The following B9D1 variants were observed in gnomAD, a reference collection of about 807,000 sequenced individuals.
The protein encoded by B9D1 is B9 domain containing 1.
In B9D1, 20 loss-of-function variants were observed where a neutral mutation model predicts 26.1. The ratio of observed to expected loss-of-function variants is 0.77; its 90% CI spans 0.54 to 1.12. B9D1 has a LOEUF of 1.12. B9D1 is among the 50% of genes most tolerant of loss of function. The pLI is 0.00. For synonymous variants in B9D1, 105 were observed against 103.1 expected, an observed-to-expected ratio of 1.02 and a Z score of -0.11; for missense variants, 260 against 273.7, an observed-to-expected ratio of 0.95 and a Z score of 0.35.
rs1910747444 is a variant in B9D1 at position 19,359,325 on chromosome 17, C to A, written c.132+995G>T. Among the ~76,000 whole-genome samples, 1 of 152,230 alleles carries A rather than the reference C, an allele frequency of 6.6e-6. No homozygotes were observed. The highest frequency in any genetic ancestry group is 1.5e-5 in the Non-Finnish European group (1 of 68,046). On this transcript the variant is annotated intron_variant, in intron 2 of 6. Coordinates refer to ENST00000261499, the MANE Select transcript of B9D1 (RefSeq NM_015681.6). The surrounding 1 kb of genome is among the most constrained non-coding windows in gnomAD (Gnocchi z 5.0). ...CCTCTCTGCTCCAGCCACTCTCCTG[C>A]TGGCTCGCTCTCCAGTGGCCACACA...
At chr17:19,334,976 C>T, downstream of B9D1, 1 of 154,804 alleles carries the variant, frequency 6.5e-6, no homozygotes, top group Non-Finnish European at 1.4e-5. The surrounding 1 kb of genome is among the most constrained non-coding windows in gnomAD (Gnocchi z 4.9). Flanking sequence ...TAGAATTTAC[C>T]AGGTCTGGCT....
chr17:19,367,272 T>A (rs1039237709), upstream of B9D1, among the ~76,000 whole-genome samples: 6 of 152,256 alleles, frequency 3.9e-5, no homozygotes, highest in Admixed American at 3.3e-4. Flanking sequence ...TGTGTGTTTA[T>A]TTTTTGAGAG....
downstream of B9D1, chr17:19,335,469 C>A (rs1276733151): frequency 2.6e-6 from 4 of 1,549,552 alleles, no homozygotes; most frequent in Non-Finnish European, 3.5e-6. Context: ...ACATCTTTAA[C>A]CTTGTGTGTC....
chr17:19,337,561 T>A, downstream of B9D1: 1 of 640,050 alleles, frequency 1.6e-6, no homozygotes, highest in African/African-American at 1.8e-5. Context: ...TGGCAGGGGG[T>A]GCCCGTTCAG....
intron 3 of B9D1, 188 bp downstream of exon 3, chr17:19,357,652 G>T (rs1224589869): frequency 1.6e-6 from 1 of 642,814 alleles, no homozygotes; most frequent in South Asian, 1.7e-5. Context: ...AGATGAAGGG[G>T]GTGAGTGGGG....
chr17:19,369,372 A>G (rs1911769343), intron 1 of B9D1, among the ~76,000 whole-genome samples: 1 of 152,228 alleles, frequency 6.6e-6, no homozygotes. Flanking sequence ...TCATGCTGGT[A>G]GCTTGCGATC....
intron 1 of B9D1, among the ~76,000 whole-genome samples, chr17:19,374,714 C>CT (rs1022055191): frequency 4.6e-4 from 70 of 150,782 alleles, no homozygotes; most frequent in African/African-American, 1.5e-3. Flanking sequence ...AAAATGAGTG[C>CT]TTTTTTTTTA....
intron 5 of B9D1, chr17:19,344,438 C>T (rs1032938254): frequency 4.6e-5 from 11 of 240,664 alleles, no homozygotes; most frequent in Non-Finnish European, 7.7e-5. Context: ...GCTGAGCATG[C>T]GCCCTCCCCA....
At chr17:19,342,758 G>GC (rs1233445377), downstream of B9D1, among the ~76,000 whole-genome samples, 1 of 152,170 alleles carries the variant, frequency 6.6e-6, no homozygotes, top group African/African-American at 2.4e-5. Context: ...TGGGTAGGGG[G>GC]GCAGAGAGGG....
downstream of B9D1, among the ~76,000 whole-genome samples, chr17:19,342,651 G>T (rs1223645934): frequency 1.3e-5 from 2 of 152,162 alleles, no homozygotes; most frequent in African/African-American, 4.8e-5. Context: ...GAGCCAGGGG[G>T]CTCACCTTCC....
chr17:19,375,624 C>T (rs184665047), intron 1 of B9D1, among the ~76,000 whole-genome samples: 30 of 152,254 alleles, frequency 2.0e-4, no homozygotes, highest in African/African-American at 7.0e-4. Context: ...GACCTGTAAT[C>T]CCAACTACTC....
intron 1 of B9D1, among the ~76,000 whole-genome samples, chr17:19,375,181 T>C (rs1912049398): frequency 6.6e-6 from 1 of 152,038 alleles, no homozygotes; most frequent in Non-Finnish European, 1.5e-5. Context: ...TCCTAGCTAC[T>C]TGAGAGGCTG....
intron 1 of B9D1, among the ~76,000 whole-genome samples, chr17:19,373,711 G>C (rs1911994300): frequency 6.6e-6 from 1 of 152,078 alleles, no homozygotes; most frequent in African/African-American, 2.4e-5. Context: ...ATTTTTAGTA[G>C]AGACAGGGTT....
At chr17:19,355,306 T>C (rs1003667646) in intron 3 of B9D1, among the ~76,000 whole-genome samples, 1 of 151,952 alleles carries the variant, frequency 6.6e-6, no homozygotes, top group Non-Finnish European at 1.5e-5. Context: ...GGTGGGAGGA[T>C]TGCCTGAGCT....
downstream of B9D1, among the ~76,000 whole-genome samples, chr17:19,339,555 A>G (rs1907732176): frequency 1.3e-5 from 2 of 152,314 alleles, no homozygotes; most frequent in East Asian, 1.9e-4. Context: ...CCTGATTTTC[A>G]TATCATTTGC....
upstream of B9D1, chr17:19,362,819 G>A (rs1911321044): frequency 1.8e-6 from 2 of 1,120,310 alleles, no homozygotes; most frequent in Non-Finnish European, 2.5e-6. Flanking sequence ...AGGTATGACC[G>A]AGAGCTGGGG....
At chr17:19,373,817 G>A (rs1267254117) in intron 1 of B9D1, among the ~76,000 whole-genome samples, 2 of 152,110 alleles carry the variant, frequency 1.3e-5, no homozygotes, top group East Asian at 1.9e-4. Context: ...GTGAGTCACC[G>A]CACCCAATCC....
At chr17:19,369,362 T>TAG (rs1411554577) in intron 1 of B9D1, among the ~76,000 whole-genome samples, 2 of 152,204 alleles carry the variant, frequency 1.3e-5, no homozygotes, top group African/African-American at 4.8e-5. Flanking sequence ...GTTCGGTGTG[T>TAG]CATGCTGGTA....
chr17:19,369,885 T>C (rs1016353398), intron 1 of B9D1, among the ~76,000 whole-genome samples: 2 of 152,172 alleles, frequency 1.3e-5, no homozygotes, highest in African/African-American at 4.8e-5. Context: ...CCTCCTGAGA[T>C]GTTCAGAGCA....
Sources: allele counts gnomAD v4.1 joint callset (sites outside exome capture counted in the v4.1 genomes callset), GRCh38; gene constraint gnomAD v4.1.1; non-coding constraint Gnocchi (gnomAD v3.1); transcripts MANE v1.5; gene names NCBI Gene and HGNC (gene_info 2026-07-23, HGNC 2026-07-21).